Variants in VAV1 observed in about 807,000 individuals in gnomAD.
The protein encoded by VAV1 is vav guanine nucleotide exchange factor 1, also known as proto-oncogene vav.
In VAV1, 33 loss-of-function variants were observed where a neutral mutation model predicts 128.1. The observed-to-expected ratio is 0.26, with a 90% confidence interval of 0.20 to 0.34. VAV1 has a LOEUF of 0.34. VAV1 is among the 10% of genes least tolerant of loss of function. The pLI is 1.00. For synonymous variants in VAV1, 394 were observed against 409.8 expected (o/e 0.96, Z 0.47); for missense variants, 715 against 1,093.7 (o/e 0.65, Z 4.88).
Position 6,774,427 on chromosome 19 carries a change from C to CTTTTTTTTTTTTTTTTTTT in VAV1, c.204+1423_204+1441dup, listed in dbSNP as rs1002823385. On this transcript the variant is annotated intron_variant, in intron 1 of 26. Transcript: ENST00000602142. ...ACAGGTGTGAGCCACCGCGCCCAGCCTTTTTTTTTTTTTTTTTTTTTTTTT... is the reference window on the plus strand; with the variant it reads ...ACAGGTGTGAGCCACCGCGCCCAGCCTTTTTTTTTTTTTTTTTTTTTTTTTTTTTTTTTTTTTTTTTTTT... Among the ~76,000 whole-genome samples, 3 of 91,568 alleles carry CTTTTTTTTTTTTTTTTTTT rather than the reference C, an allele frequency of 3.3e-5. 1 individual carries two copies. Among genetic ancestry groups the CTTTTTTTTTTTTTTTTTTT allele is most frequent in the African/African-American group, 1.7e-4 (3 of 17,796 alleles). The allele number at this position is 91,568 out of a possible 152,430, so 60.1% of individuals were successfully genotyped here.
At chr19:6,833,858 G>A (rs757514705) in intron 18 of VAV1, 50 bp from the exon 19 acceptor site, 5 of 1,613,830 alleles carry the variant, frequency 3.1e-6, no homozygotes, top group Non-Finnish European at 4.2e-6. Context: ...GGGCCTACAA[G>A]CCCCCAGGCT....
At chr19:6,808,589 T>G (rs1222668236) in intron 1 of VAV1, among the ~76,000 whole-genome samples, 2 of 152,188 alleles carry the variant, frequency 1.3e-5, no homozygotes, top group Non-Finnish European at 2.9e-5. Context: ...GAATTTCCTT[T>G]GTCCTCAGTT....
In VAV1 at chr19:6,823,000, A is replaced by G. The variant is rs1032955805; in HGVS notation, c.654+486A>G. On this transcript the variant is annotated intron_variant, in intron 6 of 26. Transcript: ENST00000602142. The surrounding 1 kb of genome is among the most constrained non-coding windows in gnomAD (Gnocchi z 5.9). ...AATATATAAAATATAAAATGTAGAT[A>G]TATTGATATAGGTATATATCTTTTT... is the stretch of plus-strand genomic sequence containing the variant. 6.8e-6 allele frequency among the ~76,000 whole-genome samples: 1 copy of G among 147,978 alleles called. No individual in the cohort carries two copies. The highest frequency in any genetic ancestry group is 2.4e-5 in the African/African-American group (1 of 40,824).
At chr19:6,834,401 G>A (rs373030484) in intron 19 of VAV1, among the ~76,000 whole-genome samples, 135 of 151,170 alleles carry the variant, frequency 8.9e-4, no homozygotes, top group Non-Finnish European at 1.6e-3. Context: ...ATGTCACCAC[G>A]CTCGGCTAAT....
intron 1 of VAV1, among the ~76,000 whole-genome samples, chr19:6,790,159 G>C (rs1022219827): frequency 7.2e-5 from 11 of 151,864 alleles, no homozygotes; most frequent in African/African-American, 2.4e-4. Context: ...GCCTGGGTGA[G>C]AGAGTGAGAC....
At position 6,848,044 on chromosome 19, in the gene VAV1, A is replaced by C; in HGVS notation, c.2059A>C (p.Asn687His). ...GGCAGGGGCAGAGAGCATCCTGGCC[A>C]ACCGCTCGGACGGGACTTTCTTGGT... Reference protein sequence around the residue: ...ERAGAESILANRSDGTFLVRQ... With the variant: ...ERAGAESILAHRSDGTFLVRQ... The change falls in exon 23 of 27, where the codon AAC becomes CAC. Residue 687 changes from asparagine to histidine, a missense_variant. Asn to His is a moderately conservative substitution (Grantham distance 68). Around this residue, in one of 3 missense-constraint regions of VAV1, gnomAD observed 407 missense variants for 580.6 expected, o/e 0.70. Coordinates refer to ENST00000602142, the MANE Select transcript of VAV1 (RefSeq NM_005428.4). The C allele has an allele frequency of 2.0e-6, 3 of 1,537,866 alleles. No homozygotes were observed. The highest frequency in any genetic ancestry group is 2.6e-6 in the Non-Finnish European group (3 of 1,150,878).
rs966260581 is a variant in VAV1 at position 6,830,104 on chromosome 19, G to C, written c.1398+186G>C. Reference sequence around the variant, plus strand: ...AGATGGAGTCTCGCTCTGTCGCCAGGCCGGAGTGCAGTGGCACAATCTCGG... The same window carrying C: ...AGATGGAGTCTCGCTCTGTCGCCAGCCCGGAGTGCAGTGGCACAATCTCGG... On this transcript the variant is annotated intron_variant, in intron 14 of 26. Coordinates refer to ENST00000602142, the MANE Select transcript of VAV1 (RefSeq NM_005428.4). Among the ~76,000 whole-genome samples the C allele has an allele frequency of 1.4e-4, 21 of 152,304 alleles. 1 individual carries two copies. Among genetic ancestry groups the C allele is most frequent in the South Asian group, 4.1e-4 (2 of 4,820 alleles).
chr19:6,844,088 TTTTTTTTTTTTTTTTTG>T (rs1284109392), intron 22 of VAV1, among the ~76,000 whole-genome samples: 3 of 118,430 alleles, frequency 2.5e-5, no homozygotes, highest in Admixed American at 1.7e-4. Flanking sequence ...TTTTTTTTTT[TTTTTTTTTTTTTTTTTG>T]CAAATGAGGC....
chr19:6,818,285 T>G (rs1971705000), intron 1 of VAV1, among the ~76,000 whole-genome samples: 1 of 152,300 alleles, frequency 6.6e-6, no homozygotes, highest in East Asian at 1.9e-4. Context: ...GCAAGGAACT[T>G]TCTTCTGGAT....
intron 1 of VAV1, among the ~76,000 whole-genome samples, chr19:6,775,756 A>G (rs955133155): frequency 2.6e-5 from 4 of 151,926 alleles, no homozygotes; most frequent in African/African-American, 9.7e-5. Flanking sequence ...CACAGGAACA[A>G]CCTCTCTGGG....
intron 1 of VAV1, chr19:6,816,345 G>A (rs951849253): frequency 1.3e-5 from 2 of 152,084 alleles, no homozygotes; most frequent in Admixed American, 6.5e-5. Context: ...AAATTAGCTG[G>A]ATGTGGTGGC....
chr19:6,813,119 A>G (rs3105704), intron 1 of VAV1, among the ~76,000 whole-genome samples: 14,254 of 152,296 alleles, frequency 0.094, 1,267 homozygotes, highest in African/African-American at 0.23. Context: ...ATTTGGGTCA[A>G]GAATTCTGAA....
chr19:6,791,185 C>T (rs1971009252), intron 1 of VAV1, among the ~76,000 whole-genome samples: 1 of 152,216 alleles, frequency 6.6e-6, no homozygotes, highest in Admixed American at 6.5e-5. Context: ...CTTGAGATAC[C>T]TCCTCATCTT....
In VAV1 at chr19:6,822,281, C is replaced by T. The variant is rs150109367; in HGVS notation, c.510C>T (p.Gly170=). The change falls in exon 5 of 27, where the codon GGC becomes GGT. Residue 170 remains glycine (G), a synonymous_variant. Transcript: ENST00000602142. The surrounding 1 kb of genome is among the most constrained non-coding windows in gnomAD (Gnocchi z 5.9). The part of the protein sequence containing the change: ...YDCVENEEAE[G]DEIYEDLMRS... ...GCGTGGAGAATGAGGAGGCGGAAGG[C>T]GACGAGATCTATGAGGACCTCATGC... The T allele has an allele frequency of 3.2e-4, 506 of 1,592,530 alleles. 1 individual carries two copies. The African/African-American group carries it at 5.4e-3, about 17-fold the overall frequency.
chr19:6,786,163 C>T (rs188686575), intron 1 of VAV1, among the ~76,000 whole-genome samples: 120 of 152,112 alleles, frequency 7.9e-4, no homozygotes, highest in Middle Eastern at 3.4e-3. Context: ...ATTTTACGTC[C>T]CCCAGTGCTT....
chr19:6,850,393 C>T (rs936256640), intron 23 of VAV1, among the ~76,000 whole-genome samples: 1 of 150,310 alleles, frequency 6.7e-6, no homozygotes, highest in Non-Finnish European at 1.5e-5. Context: ...GAGGTCTCTT[C>T]GTATCCATTC....
chr19:6,784,082 C>T (rs751341642), intron 1 of VAV1: 7 of 415,460 alleles, frequency 1.7e-5, no homozygotes, highest in Non-Finnish European at 3.0e-5. Flanking sequence ...ACCAAGGTCC[C>T]GTCTCTACAA....
At chr19:6,834,052 T>C (rs372178005) in intron 19 of VAV1, 99 bp downstream of exon 19, 1 of 1,550,484 alleles carries the variant, frequency 6.4e-7, no homozygotes, top group South Asian at 1.1e-5. Context: ...AACAGCCACA[T>C]TGGGCCGGGT....
intron 1 of VAV1, among the ~76,000 whole-genome samples, chr19:6,811,686 A>C (rs1245558611): frequency 1.3e-5 from 2 of 152,182 alleles, no homozygotes; most frequent in African/African-American, 2.4e-5. Flanking sequence ...TACTGTAAGA[A>C]TCGGCAAGAG....
Sources: allele counts gnomAD v4.1 joint callset (sites outside exome capture counted in the v4.1 genomes callset), GRCh38; gene constraint gnomAD v4.1.1; regional missense constraint gnomAD v4.1.1; non-coding constraint Gnocchi (gnomAD v3.1); transcripts MANE v1.5; gene names NCBI Gene and HGNC (gene_info 2026-07-23, HGNC 2026-07-21).